Variants in PARD6B observed in about 807,000 individuals in gnomAD.
The protein encoded by PARD6B is par-6 family cell polarity regulator beta.
In PARD6B, 4 loss-of-function variants were observed where a neutral mutation model predicts 10.5. That is an observed-to-expected ratio of 0.38 (90% CI 0.19 to 0.87). PARD6B has a LOEUF of 0.87. Among genes scored for constraint, PARD6B ranks in the 40% least tolerant of loss-of-function variants. The pLI, the probability that PARD6B is intolerant of heterozygous loss-of-function variation, is 0.41. For synonymous variants in PARD6B, 169 were observed against 170.4 expected (o/e 0.99, Z 0.07); for missense variants, 396 against 470.6 (o/e 0.84, Z 1.47).
In PARD6B at chr20:50,752,956, A is replaced by T; in HGVS notation, c.*2468A>T. 1.0e-6 allele frequency: 1 copy of T among 984,072 alleles called. No homozygotes were observed. Among genetic ancestry groups the T allele is most frequent in the Non-Finnish European group, 1.2e-6 (1 of 828,322 alleles). 61.0% of individuals were successfully genotyped at this position (984,072 alleles called of 1,614,324 possible). A position where few individuals can be genotyped will look rare whatever the true frequency, so the allele number is the denominator to read the frequency against. ...GCTTTAACATTCTGTGAGTCTTACAAATTTGACTCTTGAATGGCAAAATAA... is the reference window on the plus strand; with the variant it reads ...GCTTTAACATTCTGTGAGTCTTACATATTTGACTCTTGAATGGCAAAATAA... On this transcript the variant is annotated 3_prime_UTR_variant, in exon 3 of 3. Transcript: ENST00000371610.
At position 50,750,952 on chromosome 20, in the gene PARD6B, TG is replaced by T. The variant is rs2087602837; in HGVS notation, c.*465del. 64 of 727,310 alleles carry T rather than the reference TG, an allele frequency of 8.8e-5. No homozygotes were observed. Among genetic ancestry groups the T allele is most frequent in the Non-Finnish European group, 9.2e-5 (56 of 607,748 alleles). 45.1% of individuals were successfully genotyped at this position (727,310 alleles called of 1,614,324 possible). A position where few individuals can be genotyped will look rare whatever the true frequency, so the allele number is the denominator to read the frequency against. Reference sequence around the variant, plus strand: ...GTCTCATGTTCCCAATATTTTATTTTGATTTTTTTTTTTTTTTTTTTTTTTT... The same window carrying T: ...GTCTCATGTTCCCAATATTTTATTTTATTTTTTTTTTTTTTTTTTTTTTTT... On this transcript the variant is annotated 3_prime_UTR_variant, in exon 3 of 3. Transcript: ENST00000371610.
In PARD6B at chr20:50,751,682, T is replaced by A; in HGVS notation, c.*1194T>A. 1.0e-6 allele frequency: 1 copy of A among 984,764 alleles called. No individual in the cohort carries two copies. The highest frequency in any genetic ancestry group is 1.2e-6 in the Non-Finnish European group (1 of 829,888). The allele number at this position is 984,764 out of a possible 1,614,324, so 61.0% of individuals were successfully genotyped here. Reference sequence around the variant, plus strand: ...GTTTCTAAGAATCAAACCACTTGGCTGTTTTTAGGAGTTACTTCCCATGTT... The same window carrying A: ...GTTTCTAAGAATCAAACCACTTGGCAGTTTTTAGGAGTTACTTCCCATGTT... On this transcript the variant is annotated 3_prime_UTR_variant, in exon 3 of 3. Coordinates refer to ENST00000371610, the MANE Select transcript of PARD6B (RefSeq NM_032521.3).
chr20:50,737,826 T>C, intron 1 of PARD6B, 31 bp from the exon 2 acceptor site: 1 of 1,383,000 alleles, frequency 7.2e-7, no homozygotes. Context: ...TTTTTTTTTT[T>C]TTTTAAGTAA....
At chr20:50,748,406 GT>G (rs2087581153) in intron 2 of PARD6B, among the ~76,000 whole-genome samples, 1 of 152,214 alleles carries the variant, frequency 6.6e-6, no homozygotes, top group South Asian at 2.1e-4. Context: ...ATTCCGAAGT[GT>G]TTGTTTGATA....
rs2087609228 is a variant in PARD6B, at chr20:50,751,429, C to T, written c.*941C>T. 1 of 787,912 alleles carries T rather than the reference C, an allele frequency of 1.3e-6. No homozygotes were observed. Among genetic ancestry groups the T allele is most frequent in the African/African-American group, 2.0e-5 (1 of 48,870 alleles). 48.8% of individuals were successfully genotyped at this position (787,912 alleles called of 1,614,324 possible). ...GGAGTGCAGTGGCGCGATCTTGGCT[C>T]ACTGCAAGCTCTACCTCCTGGGTTC... On this transcript the variant is annotated 3_prime_UTR_variant, in exon 3 of 3. Coordinates refer to ENST00000371610, the MANE Select transcript of PARD6B (RefSeq NM_032521.3).
chr20:50,741,790 C>A (rs1362245537), intron 2 of PARD6B, among the ~76,000 whole-genome samples: 3 of 152,092 alleles, frequency 2.0e-5, no homozygotes, highest in African/African-American at 4.8e-5. Flanking sequence ...TCGTGATCCG[C>A]CCGTCTCGGC....
At chr20:50,741,957 A>G (rs1009153426) in intron 2 of PARD6B, among the ~76,000 whole-genome samples, 4 of 152,346 alleles carry the variant, frequency 2.6e-5, no homozygotes, top group Middle Eastern at 6.8e-3. Context: ...GACATTAAGT[A>G]TAGTTACATT....
Position 50,750,263 on chromosome 20 carries a change from T to G in PARD6B, c.894T>G (p.Ile298Met), listed in dbSNP as rs749353857. The G allele has an allele frequency of 3.1e-6, 5 of 1,614,094 alleles. No individual in the cohort carries two copies. Among genetic ancestry groups the G allele is most frequent in the Non-Finnish European group, 3.4e-6 (4 of 1,180,054 alleles). ...DEDSEEDDII[I>M]EDNGVPQQIP... ...ACAGCGAAGAAGATGACATTATCAT[T>G]GAAGACAATGGAGTGCCACAGCAGA... is the stretch of plus-strand genomic sequence containing the variant. The change falls in exon 3 of 3, where the codon ATT becomes ATG. Residue 298 changes from isoleucine to methionine, a missense_variant. Ile to Met is a conservative substitution (Grantham distance 10, BLOSUM62 1). This residue lies in a region of PARD6B where 188 missense variants were observed against 169.7 expected (regional missense o/e 1.11). Transcript: ENST00000371610.
intron 2 of PARD6B, among the ~76,000 whole-genome samples, chr20:50,743,279 C>G (rs560946564): frequency 3.9e-5 from 6 of 152,200 alleles, no homozygotes; most frequent in Non-Finnish European, 7.3e-5. Context: ...TACATCCAGA[C>G]TTCTTGCTAT....
At position 50,752,261 on chromosome 20, in the gene PARD6B, A is replaced by G. The variant is rs1600821919; in HGVS notation, c.*1773A>G. On this transcript the variant is annotated 3_prime_UTR_variant, in exon 3 of 3. Coordinates refer to ENST00000371610, the MANE Select transcript of PARD6B (RefSeq NM_032521.3). ...CTTTTAATGCATCCAAGTATGCATC[A>G]TTTTGGATAAAAAATACATCCAAAT... 2.0e-6 allele frequency: 2 copies of G among 985,568 alleles called. No homozygotes were observed. The highest frequency in any genetic ancestry group is 1.1e-4 in the East Asian group (1 of 8,824). The allele number at this position is 985,568 out of a possible 1,614,324, so 61.1% of individuals were successfully genotyped here.
chr20:50,753,078 T>C lies in PARD6B; in HGVS notation c.*2590T>C, dbSNP rs983527106. ...TATTTTTACACACTACCTCTCTCTT[T>C]TTTTTTTTAAAGTTTTAACATCAGA... On this transcript the variant is annotated 3_prime_UTR_variant, in exon 3 of 3. Coordinates refer to ENST00000371610, the MANE Select transcript of PARD6B (RefSeq NM_032521.3). 35 of 982,216 alleles carry C rather than the reference T, an allele frequency of 3.6e-5. No individual in the cohort carries two copies. Among genetic ancestry groups the C allele is most frequent in the Non-Finnish European group, 4.1e-5 (34 of 827,976 alleles). The allele number at this position is 982,216 out of a possible 1,614,324, so 60.8% of individuals were successfully genotyped here.
At chr20:50,742,049 G>A (rs2087533583) in intron 2 of PARD6B, among the ~76,000 whole-genome samples, 1 of 152,072 alleles carries the variant, frequency 6.6e-6, no homozygotes, top group Non-Finnish European at 1.5e-5. Flanking sequence ...CACTTAATAT[G>A]TACTGGTGTT....
chr20:50,750,715 T>G lies in PARD6B; in HGVS notation c.*227T>G, dbSNP rs2123709294. 7.6e-7 allele frequency: 1 copy of G among 1,309,506 alleles called. No homozygotes were observed. Among genetic ancestry groups the G allele is most frequent in the South Asian group, 1.9e-5 (1 of 52,622 alleles). 81.1% of individuals were successfully genotyped at this position (1,309,506 alleles called of 1,614,324 possible). A position where few individuals can be genotyped will look rare whatever the true frequency, so the allele number is the denominator to read the frequency against. ...ACAAAGGGGCCTTTGCTGATGAAGTTACGTGCTTTTGCTGTTTTGTCTGTG... is the reference window on the plus strand; with the variant it reads ...ACAAAGGGGCCTTTGCTGATGAAGTGACGTGCTTTTGCTGTTTTGTCTGTG... On this transcript the variant is annotated 3_prime_UTR_variant, in exon 3 of 3. Coordinates refer to ENST00000371610, the MANE Select transcript of PARD6B (RefSeq NM_032521.3).
intron 1 of PARD6B, among the ~76,000 whole-genome samples, chr20:50,732,422 G>T (rs1168448523): frequency 6.6e-6 from 1 of 152,134 alleles, no homozygotes; most frequent in Non-Finnish European, 1.5e-5. Context: ...GCACTTTACA[G>T]TTTGACTCTA....
intron 1 of PARD6B, among the ~76,000 whole-genome samples, chr20:50,732,456 C>G (rs1466237711): frequency 6.6e-6 from 1 of 152,206 alleles, no homozygotes; most frequent in African/African-American, 2.4e-5. Flanking sequence ...TTCCATCCTG[C>G]TACCTACTCA....
At chr20:50,745,476 G>A (rs959978398) in intron 2 of PARD6B, among the ~76,000 whole-genome samples, 1 of 151,966 alleles carries the variant, frequency 6.6e-6, no homozygotes, top group African/African-American at 2.4e-5. Flanking sequence ...GCAAGAGTTG[G>A]CAAACTAAGG....
chr20:50,750,226 C>T lies in PARD6B; in HGVS notation c.857C>T (p.Pro286Leu). 1 of 1,614,122 alleles carries T rather than the reference C, an allele frequency of 6.2e-7. No individual in the cohort carries two copies. The highest frequency in any genetic ancestry group is 1.3e-5 in the African/African-American group (1 of 75,016). ...CAGCAGATTGAACCAAGCTTTGAGC[C>T]AGAGGATGAAGACAGCGAAGAAGAT... ...YPQQIEPSFE[P>L]EDEDSEEDDI... The change falls in exon 3 of 3, where the codon CCA (proline) becomes CTA (leucine). Residue 286 changes from proline (P) to leucine (L), a missense_variant. Physicochemically the swap from Pro to Leu is moderately conservative, Grantham distance 98. Around this residue, in one of 2 missense-constraint regions of PARD6B, gnomAD observed 188 missense variants for 169.7 expected, o/e 1.11. Coordinates refer to ENST00000371610, the MANE Select transcript of PARD6B (RefSeq NM_032521.3).
chr20:50,744,483 A>G (rs2087553839), intron 2 of PARD6B, among the ~76,000 whole-genome samples: 1 of 152,120 alleles, frequency 6.6e-6, no homozygotes. Flanking sequence ...AGCTTTGTAG[A>G]AAAACCAAAT....
At chr20:50,742,193 G>A (rs2123703373) in intron 2 of PARD6B, among the ~76,000 whole-genome samples, 1 of 152,124 alleles carries the variant, frequency 6.6e-6, no homozygotes, top group African/African-American at 2.4e-5. Context: ...ACAGATGCGT[G>A]CCACCACGCC....
Sources: gnomAD v4.1 joint callset for allele counts (sites outside exome capture counted in the v4.1 genomes callset) on GRCh38, gnomAD v4.1.1 for gene constraint, gnomAD v4.1.1 regional missense constraint, MANE v1.5 for transcripts, NCBI Gene and HGNC (gene_info 2026-07-23, HGNC 2026-07-21) for gene names.